Variants in PFKP observed in about 807,000 individuals in gnomAD.
The protein encoded by PFKP is phosphofructokinase, platelet.
In PFKP, 101 loss-of-function variants were observed where a neutral mutation model predicts 94.3. The ratio of observed to expected loss-of-function variants is 1.07; its 90% CI spans 0.91 to 1.26. The LOEUF (loss-of-function observed/expected upper bound fraction) is 1.26, where lower values mean the gene tolerates loss of function less well. Among genes scored for constraint, PFKP ranks in the 50% most tolerant of loss-of-function variants. The pLI is 0.00. For synonymous variants in PFKP, 573 were observed against 432.6 expected (o/e 1.32, Z -4.03); for missense variants, 1,145 against 1,103.3 (o/e 1.04, Z -0.53).
chr10:3,125,051 G>T (rs779037660), intron 16 of PFKP: 4 of 1,172,578 alleles, frequency 3.4e-6, no homozygotes, highest in Middle Eastern at 3.8e-4. Flanking sequence ...GGGCTGGCAG[G>T]TGAGCACCCG....
intron 13 of PFKP, among the ~76,000 whole-genome samples, chr10:3,115,169 C>A (rs754401296): frequency 6.6e-6 from 1 of 152,208 alleles, no homozygotes; most frequent in Non-Finnish European, 1.5e-5. Context: ...AGCCCTGAGA[C>A]ACACTTCTTG....
At position 3,069,719 on chromosome 10, in the gene PFKP, CA is replaced by C. The variant is rs377663897; in HGVS notation, c.112+2021del. On this transcript the variant is annotated intron_variant, in intron 1 of 21. Coordinates refer to ENST00000381125, the MANE Select transcript of PFKP (RefSeq NM_002627.5). Reference sequence around the variant, plus strand: ...GCAACATAGTGAGACTCTGTGTCTACAAAAAAAAAGAAAGAAAAAAAATTAA... The same window carrying C: ...GCAACATAGTGAGACTCTGTGTCTACAAAAAAAAGAAAGAAAAAAAATTAA... Among the ~76,000 whole-genome samples, 728 of 148,108 alleles carry C rather than the reference CA, an allele frequency of 4.9e-3. 17 individuals are homozygous for C. The highest frequency in any genetic ancestry group is 0.042 in the Admixed American group (623 of 14,970).
chr10:3,088,029 G>A (rs1409826554), intron 2 of PFKP, among the ~76,000 whole-genome samples: 2 of 133,006 alleles, frequency 1.5e-5, no homozygotes, highest in Admixed American at 7.7e-5. Flanking sequence ...AAGTTCTAGG[G>A]TACATGTGCA....
chr10:3,120,069 G>A (rs375124772), intron 16 of PFKP, 25 bp downstream of exon 16: 378 of 1,611,266 alleles, frequency 2.3e-4, no homozygotes, highest in Non-Finnish European at 3.1e-4. Flanking sequence ...GCCCTGCCAG[G>A]CGGGCGCCGG....
intron 2 of PFKP, among the ~76,000 whole-genome samples, chr10:3,091,822 TG>T (rs1834064675): frequency 6.6e-6 from 1 of 152,214 alleles, no homozygotes; most frequent in South Asian, 2.1e-4. Context: ...CTTAATTTTT[TG>T]TTTGTTTTAA....
chr10:3,112,055 GAC>G (rs1273277211), intron 10 of PFKP, among the ~76,000 whole-genome samples, 165 bp from the exon 11 acceptor site: 15 of 152,194 alleles, frequency 9.9e-5, no homozygotes, highest in African/African-American at 3.6e-4. Context: ...CCAGCATTAG[GAC>G]ACACTTGGCG....
intron 1 of PFKP, among the ~76,000 whole-genome samples, chr10:3,072,338 T>TG (rs1832259375): frequency 6.6e-6 from 1 of 152,218 alleles, no homozygotes. Context: ...GAGCCCCACA[T>TG]GGGCACCTTT....
intron 1 of PFKP, among the ~76,000 whole-genome samples, chr10:3,078,593 G>A (rs1832784145): frequency 6.6e-6 from 1 of 152,224 alleles, no homozygotes; most frequent in African/African-American, 2.4e-5. Flanking sequence ...CATTGTAATA[G>A]AGGAAATTAG....
In PFKP at chr10:3,101,979, C is replaced by T. The variant is rs184739131; in HGVS notation, c.454+425C>T. On this transcript the variant is annotated intron_variant, in intron 4 of 21. Transcript: ENST00000381125. Reference sequence around the variant, plus strand: ...TTTAAAACTGAAGTTGGGCCGGGCGCGGTGGCTCACGCCTGTAATCCCAGC... The same window carrying T: ...TTTAAAACTGAAGTTGGGCCGGGCGTGGTGGCTCACGCCTGTAATCCCAGC... 5.6e-4 allele frequency among the ~76,000 whole-genome samples: 84 copies of T among 150,810 alleles called. 1 individual carries two copies. The highest frequency in any genetic ancestry group is 3.5e-3 in the Middle Eastern group (1 of 286).
intron 2 of PFKP, among the ~76,000 whole-genome samples, chr10:3,086,403 G>T (rs1264321522): frequency 2.6e-5 from 4 of 152,236 alleles, no homozygotes; most frequent in African/African-American, 9.6e-5. Context: ...TTCAGGGCCA[G>T]GAACAGAGTT....
chr10:3,135,261 C>G (rs1839108890), intron 20 of PFKP, among the ~76,000 whole-genome samples: 2 of 152,074 alleles, frequency 1.3e-5, no homozygotes, highest in African/African-American at 2.4e-5. Context: ...ACTATCACTG[C>G]CAGTGTCCAA....
chr10:3,135,590 C>T lies in PFKP; in HGVS notation c.2123-146C>T, dbSNP rs189438656. ...ACGAGGCCAGGTGCTGGCCCCACTG[C>T]GCGGCTGTTCTCAGTCTCACTGGGC... is the stretch of plus-strand genomic sequence containing the variant. On this transcript the variant is annotated intron_variant, in intron 20 of 21. Transcript: ENST00000381125. 1.9e-4 allele frequency: 112 copies of T among 581,544 alleles called. No homozygotes were observed. In the East Asian group the frequency reaches 2.2e-3, roughly 11 times the overall value. The allele number at this position is 581,544 out of a possible 1,614,324, so 36.0% of individuals were successfully genotyped here.
intron 2 of PFKP, among the ~76,000 whole-genome samples, chr10:3,093,204 T>TA (rs397845597): frequency 1.3e-5 from 2 of 152,038 alleles, no homozygotes; most frequent in East Asian, 1.9e-4. Flanking sequence ...TTTTTTTTTT[T>TA]AAATCTCTGT....
chr10:3,129,519 G>T (rs1301771210), intron 16 of PFKP: 2 of 369,194 alleles, frequency 5.4e-6, no homozygotes, highest in East Asian at 5.9e-5. Flanking sequence ...TTGTGGGGTC[G>T]TCTTTTCCGT....
rs370309698 is a variant in PFKP at position 3,105,380 on chromosome 10, C to T, written c.666-13C>T. The T allele has an allele frequency of 2.8e-5, 45 of 1,606,618 alleles. No homozygotes were observed. The African/African-American group carries it at 4.4e-4, about 16-fold the overall frequency. Reference sequence around the variant, plus strand: ...CCTTCTGGGGTGTTGATGCTGTTGCCTTGTCCACATAGGTACCTGGCCCTG... The same window carrying T: ...CCTTCTGGGGTGTTGATGCTGTTGCTTTGTCCACATAGGTACCTGGCCCTG... On this transcript the variant is annotated splice_polypyrimidine_tract_variant and intron_variant, in intron 6 of 21. Coordinates refer to ENST00000381125, the MANE Select transcript of PFKP (RefSeq NM_002627.5).
chr10:3,105,167 C>T lies in PFKP; in HGVS notation c.665+8C>T. 2 of 1,613,300 alleles carry T rather than the reference C, an allele frequency of 1.2e-6. No homozygotes were observed. The highest frequency in any genetic ancestry group is 1.7e-6 in the Non-Finnish European group (2 of 1,179,346). ...GATGGGACGACACTGTGGGTACGTA[C>T]CTGCGGTGGGTCCGGTGGACGCGGT... On this transcript the variant is annotated splice_region_variant and intron_variant, in intron 6 of 21. Coordinates refer to ENST00000381125, the MANE Select transcript of PFKP (RefSeq NM_002627.5).
At chr10:3,115,805 A>C (rs1351690717) in intron 13 of PFKP, among the ~76,000 whole-genome samples, 2 of 152,122 alleles carry the variant, frequency 1.3e-5, no homozygotes, top group Non-Finnish European at 2.9e-5. Flanking sequence ...TGTTAAGAGT[A>C]GGGTGGGAAG....
intron 2 of PFKP, among the ~76,000 whole-genome samples, chr10:3,091,727 A>G (rs980861815): frequency 3.0e-4 from 45 of 152,338 alleles, no homozygotes; most frequent in Non-Finnish European, 2.1e-4. Flanking sequence ...TGGAGGTTGC[A>G]GTGAACCTAG....
At chr10:3,111,895 C>A (rs937549740) in intron 10 of PFKP, among the ~76,000 whole-genome samples, 1 of 152,194 alleles carries the variant, frequency 6.6e-6, no homozygotes, top group Non-Finnish European at 1.5e-5. Flanking sequence ...GATTTCATTT[C>A]CTCTGGCTTT....
Sources: allele counts gnomAD v4.1 joint callset (sites outside exome capture counted in the v4.1 genomes callset), GRCh38; gene constraint gnomAD v4.1.1; transcripts MANE v1.5; gene names NCBI Gene and HGNC (gene_info 2026-07-23, HGNC 2026-07-21).